ADGRB3: variants seen among roughly 807,000 people sequenced by gnomAD.
ADGRB3 encodes brain-specific angiogenesis inhibitor 3.
Under a neutral mutation model 193.4 loss-of-function variants are expected in ADGRB3, and 37 were observed. The ratio of observed to expected loss-of-function variants is 0.19; its 90% CI spans 0.15 to 0.25. The LOEUF (loss-of-function observed/expected upper bound fraction) is 0.25. Ranked by LOEUF, ADGRB3 falls within the 10% of genes least tolerant of loss-of-function variation. ADGRB3 has a pLI of 1.00. For synonymous variants in ADGRB3, 690 were observed against 644.2 expected (o/e 1.07, Z -1.08); for missense variants, 1,637 against 1,852.9 (o/e 0.88, Z 2.14).
intron 3 of ADGRB3, among the ~76,000 whole-genome samples, chr6:68,803,525 A>G (rs1175729981): frequency 1.3e-5 from 2 of 152,108 alleles, no homozygotes; most frequent in African/African-American, 4.8e-5. Context: ...CACCTTACAA[A>G]TCTTCTACCC....
intron 3 of ADGRB3, among the ~76,000 whole-genome samples, chr6:68,922,103 A>G (rs947080831): frequency 2.0e-5 from 3 of 152,240 alleles, no homozygotes; most frequent in South Asian, 4.1e-4. Context: ...TTTTCATTCA[A>G]TATTTCATAA....
intron 20 of ADGRB3, among the ~76,000 whole-genome samples, chr6:69,300,099 A>T (rs1767917541): frequency 6.6e-6 from 1 of 151,864 alleles, no homozygotes; most frequent in Non-Finnish European, 1.5e-5. Flanking sequence ...GAATTCAACA[A>T]CACATTAAAA....
At chr6:69,007,181 T>G (rs1006415510) in intron 11 of ADGRB3, among the ~76,000 whole-genome samples, 3 of 152,162 alleles carry the variant, frequency 2.0e-5, no homozygotes, top group Non-Finnish European at 4.4e-5. Flanking sequence ...ATTCTGTGCT[T>G]CTCCTCCCAT....
At position 68,983,664 on chromosome 6, in the gene ADGRB3, G is replaced by A. The variant is rs536915616; in HGVS notation, c.1734+8324G>A. 7.2e-5 allele frequency among the ~76,000 whole-genome samples: 11 copies of A among 151,964 alleles called. No individual in the cohort carries two copies. The East Asian group carries it at 1.9e-3, about 27-fold the overall frequency. On this transcript the variant is annotated intron_variant, in intron 10 of 31. Coordinates refer to ENST00000370598, the MANE Select transcript of ADGRB3 (RefSeq NM_001704.3). ...GACCTTTAACTATGTGCCAAGTAGA[G>A]CTCAAGGACCTGGAGAAGCAACTTG...
At chr6:68,862,706 G>T (rs547932765) in intron 3 of ADGRB3, among the ~76,000 whole-genome samples, 1 of 152,242 alleles carries the variant, frequency 6.6e-6, no homozygotes, top group Non-Finnish European at 1.5e-5. Context: ...ATATATGAGA[G>T]ATTGTTCATA....
At chr6:69,124,201 C>T (rs575862517) in intron 17 of ADGRB3, among the ~76,000 whole-genome samples, 3 of 151,986 alleles carry the variant, frequency 2.0e-5, no homozygotes, top group Non-Finnish European at 2.9e-5. Flanking sequence ...TTCCAAAACA[C>T]CTGTTCATGT....
chr6:68,970,347 C>T lies in ADGRB3; in HGVS notation c.1526-4416C>T, dbSNP rs367925451. 4.6e-5 allele frequency among the ~76,000 whole-genome samples: 7 copies of T among 151,442 alleles called. No homozygotes were observed. The East Asian group carries it at 1.2e-3, about 25-fold the overall frequency. ...TCACCCAGGCTGGAGTGCAGTGACACGATCTTGGCTCACTGCAAACCCTGC... is the reference window on the plus strand; with the variant it reads ...TCACCCAGGCTGGAGTGCAGTGACATGATCTTGGCTCACTGCAAACCCTGC... On this transcript the variant is annotated intron_variant, in intron 8 of 31. Coordinates refer to ENST00000370598, the MANE Select transcript of ADGRB3 (RefSeq NM_001704.3).
At chr6:68,681,262 T>C (rs1325918216) in intron 3 of ADGRB3, among the ~76,000 whole-genome samples, 5 of 152,300 alleles carry the variant, frequency 3.3e-5, no homozygotes, top group African/African-American at 9.6e-5. Flanking sequence ...TCATTGGGCA[T>C]CAAATTTCAA....
chr6:68,881,576 C>T (rs1423017629), intron 3 of ADGRB3, among the ~76,000 whole-genome samples: 1 of 152,092 alleles, frequency 6.6e-6, no homozygotes, highest in Non-Finnish European at 1.5e-5. Context: ...GGGGATAAGT[C>T]ATGACAAAAA....
intron 17 of ADGRB3, among the ~76,000 whole-genome samples, chr6:69,120,514 C>G (rs1773652479): frequency 6.6e-6 from 1 of 152,232 alleles, no homozygotes; most frequent in Admixed American, 6.5e-5. Context: ...GATGGTTTCT[C>G]TATCTGAGCC....
chr6:69,280,069 G>A (rs12110416), intron 20 of ADGRB3, among the ~76,000 whole-genome samples: 1,756 of 152,278 alleles, frequency 0.012, 37 homozygotes, highest in African/African-American at 0.04. Flanking sequence ...TCAAAAGAGA[G>A]CTGACAGCCA....
At chr6:68,994,387 A>C (rs140301960) in intron 11 of ADGRB3, among the ~76,000 whole-genome samples, 9 of 152,312 alleles carry the variant, frequency 5.9e-5, no homozygotes, top group Admixed American at 2.6e-4. Flanking sequence ...GGATTTTGCT[A>C]TTAGTGGGGG....
At chr6:69,293,238 T>A (rs958469651) in intron 20 of ADGRB3, among the ~76,000 whole-genome samples, 14 of 152,156 alleles carry the variant, frequency 9.2e-5, no homozygotes, top group African/African-American at 2.7e-4. Context: ...TAATGACATT[T>A]AAAAAAATAC....
At chr6:68,863,818 C>T (rs982488399) in intron 3 of ADGRB3, among the ~76,000 whole-genome samples, 1 of 152,124 alleles carries the variant, frequency 6.6e-6, no homozygotes, top group Non-Finnish European at 1.5e-5. Context: ...TCATGCCTTT[C>T]TTAAAAGGTC....
At chr6:68,883,785 C>T (rs187414460) in intron 3 of ADGRB3, among the ~76,000 whole-genome samples, 96 of 152,286 alleles carry the variant, frequency 6.3e-4, no homozygotes, top group African/African-American at 2.2e-3. Flanking sequence ...TAACACTCAC[C>T]GCCAGGGTCT....
At chr6:68,830,771 C>T (rs908884290) in intron 3 of ADGRB3, among the ~76,000 whole-genome samples, 5 of 151,696 alleles carry the variant, frequency 3.3e-5, no homozygotes, top group African/African-American at 9.7e-5. Flanking sequence ...GATGAAAGAT[C>T]GTAGTGAGCC....
At chr6:68,785,026 T>A (rs1184494843) in intron 3 of ADGRB3, among the ~76,000 whole-genome samples, 2 of 152,114 alleles carry the variant, frequency 1.3e-5, no homozygotes, top group Non-Finnish European at 2.9e-5. Context: ...AATAACCATA[T>A]GAGAAAGGGA....
chr6:68,699,051 T>G (rs1199185623), intron 3 of ADGRB3, among the ~76,000 whole-genome samples: 2 of 152,180 alleles, frequency 1.3e-5, no homozygotes, highest in Non-Finnish European at 2.9e-5. Flanking sequence ...AATATTATTT[T>G]AAAATGAATC....
At chr6:69,306,544 A>G (rs1768069837) in intron 20 of ADGRB3, among the ~76,000 whole-genome samples, 1 of 151,598 alleles carries the variant, frequency 6.6e-6, no homozygotes, top group Non-Finnish European at 1.5e-5. Context: ...TAAGCCAGGT[A>G]CATCAATAAC....
Sources: gnomAD v4.1 joint callset for allele counts (sites outside exome capture counted in the v4.1 genomes callset) on GRCh38, gnomAD v4.1.1 for gene constraint, MANE v1.5 for transcripts, NCBI Gene and HGNC (gene_info 2026-07-23, HGNC 2026-07-21) for gene names.